The following PIEZO1 variants were observed in gnomAD, a reference collection of about 807,000 sequenced individuals.
The protein encoded by PIEZO1 is piezo-type mechanosensitive ion channel component 1.
In PIEZO1, 296 loss-of-function variants were observed where a neutral mutation model predicts 297.2. The observed-to-expected ratio is 1.00, with a 90% CI of 0.91 to 1.10. The LOEUF is 1.10. Ranked by LOEUF, PIEZO1 falls within the 50% of genes least tolerant of loss-of-function variation. The probability of loss-of-function intolerance (pLI) is 0.00; values close to 1 mark genes in which losing one functional copy is unlikely to be tolerated. For synonymous variants in PIEZO1, 2,427 were observed against 1,507.5 expected (o/e 1.61, Z -14.13); for missense variants, 5,018 against 3,455.5 (o/e 1.45, Z -11.34).
chr16:88,759,594 G>A (rs770686397), intron 1 of PIEZO1, among the ~76,000 whole-genome samples: 45 of 152,226 alleles, frequency 3.0e-4, no homozygotes, highest in Non-Finnish European at 4.6e-4. Context: ...CCTGGCGGCC[G>A]CTGCTCTGCC....
At chr16:88,740,137 G>A (rs1905543317) in intron 5 of PIEZO1, 1 of 152,284 alleles carries the variant, frequency 6.6e-6, no homozygotes, top group South Asian at 2.1e-4. Context: ...CCTCGGGCTG[G>A]CTGGCACACT....
chr16:88,735,629 G>A (rs1027662413), intron 12 of PIEZO1, among the ~76,000 whole-genome samples: 4 of 152,280 alleles, frequency 2.6e-5, no homozygotes, highest in African/African-American at 7.2e-5. Context: ...TGGCACACAG[G>A]CTCACAAGTT....
In PIEZO1 at chr16:88,785,001, A is replaced by G. The variant is rs1420308660; in HGVS notation, c.-37T>C. ...CCAGGGCCCGGCCCAGACCGAGCGG[A>G]CGCCGCGGCGCTATGGGGCGGTGCG... On this transcript the variant is annotated 5_prime_UTR_variant, in exon 1 of 51. Transcript: ENST00000301015. The G allele has an allele frequency of 1.7e-5, 21 of 1,205,330 alleles. No individual in the cohort carries two copies. The South Asian group carries it at 2.0e-4, about 11-fold the overall frequency. The allele number at this position is 1,205,330 out of a possible 1,614,324, so 74.7% of individuals were successfully genotyped here.
chr16:88,727,482 C>G, intron 23 of PIEZO1, 75 bp downstream of exon 23: 1 of 675,014 alleles, frequency 1.5e-6, no homozygotes, highest in Non-Finnish European at 2.5e-6. Context: ...TGTGTGCACA[C>G]TTGTGAGCAG....
At position 88,717,006 on chromosome 16, in the gene PIEZO1, G is replaced by A. The variant is rs79934624; in HGVS notation, c.6660+17C>T. On this transcript the variant is annotated intron_variant, in intron 45 of 50. Transcript: ENST00000301015. ...CCCAGGGGATGGGAATGGACAGGCG[G>A]ACCCACACATGCTCACCTCATAGCC... is the stretch of plus-strand genomic sequence containing the variant. 87,224 of 1,549,406 alleles carry A rather than the reference G, an allele frequency of 0.056. 2,843 individuals are homozygous for A. The highest frequency in any genetic ancestry group is 0.068 in the Non-Finnish European group (77,405 of 1,146,138).
At chr16:88,732,761 C>T (rs943268980) in intron 19 of PIEZO1, 29 bp from the exon 20 acceptor site, 3 of 1,519,638 alleles carry the variant, frequency 2.0e-6, no homozygotes, top group African/African-American at 2.8e-5. Flanking sequence ...TCAGTGCCCC[C>T]TCCCAGGCCA....
chr16:88,721,424 C>T lies in PIEZO1; in HGVS notation c.5410G>A (p.Gly1804Ser), dbSNP rs1313905745. 2 of 1,548,114 alleles carry T rather than the reference C, an allele frequency of 1.3e-6. No homozygotes were observed. The highest frequency in any genetic ancestry group is 2.0e-5 in the Admixed American group (1 of 50,916). The change falls in exon 39 of 51, where the codon GGC becomes AGC. Residue 1804 changes from glycine (G) to serine (S), a missense_variant. Physicochemically the swap from Gly to Ser is moderately conservative, Grantham distance 56. Coordinates refer to ENST00000301015, the MANE Select transcript of PIEZO1 (RefSeq NM_001142864.4). ...FFHRSQLLCY[G>S]LWDHEEDSPS... is the part of the protein sequence containing the mutation. ...GAGTCCTCCTCATGGTCCCAGAGGC[C>T]ATAGCACTGAGGGGCGGGAGGGTGT...
chr16:88,757,366 T>C (rs952343387), intron 1 of PIEZO1, among the ~76,000 whole-genome samples: 10 of 141,902 alleles, frequency 7.0e-5, no homozygotes, highest in African/African-American at 2.3e-4. Flanking sequence ...TCCCGTGTGG[T>C]TAAAAGGCTC....
Position 88,732,648 on chromosome 16 carries a change from A to G in PIEZO1, c.2749T>C (p.Phe917Leu). The G allele has an allele frequency of 6.5e-7, 1 of 1,549,594 alleles. No individual in the cohort carries two copies. The change falls in exon 20 of 51, where the codon TTT becomes CTT. Residue 917 changes from phenylalanine (F) to leucine (L), a missense_variant. Phe to Leu is a conservative substitution (Grantham distance 22). Coordinates refer to ENST00000301015, the MANE Select transcript of PIEZO1 (RefSeq NM_001142864.4). ...YRGPVDPANW[F>L]GVRKGFPNLG... ...TTGGGGAACCCTTTCCGCACCCCAA[A>G]CCAGTTGGCAGGGTCCACGGGCCCC...
Position 88,738,516 on chromosome 16 carries a change from TC to T in PIEZO1, c.634+51del, listed in dbSNP as rs34600315. 1,069,239 of 1,530,398 alleles carry T rather than the reference TC, an allele frequency of 0.7. 375,694 individuals carry two copies. The highest frequency in any genetic ancestry group is 0.89 in the East Asian group (36,189 of 40,784). 94.8% of individuals were successfully genotyped at this position (1,530,398 alleles called of 1,614,324 possible). A position where few individuals can be genotyped will look rare whatever the true frequency, so the allele number is the denominator to read the frequency against. Reference sequence around the variant, plus strand: ...GCTGTCTCCACAGTCATCAGGGAACTCCCAAGACCCCTCCCAGTGTGACTGC... The same window carrying T: ...GCTGTCTCCACAGTCATCAGGGAACTCCAAGACCCCTCCCAGTGTGACTGC... On this transcript the variant is annotated intron_variant, in intron 6 of 50. Transcript: ENST00000301015.
intron 30 of PIEZO1, among the ~76,000 whole-genome samples, chr16:88,724,494 G>A (rs1904312636): frequency 6.7e-6 from 1 of 149,558 alleles, no homozygotes; most frequent in African/African-American, 2.5e-5. Flanking sequence ...TCACGCCATT[G>A]CACTGTAGCC....
At chr16:88,748,426 G>A (rs1335439796) in intron 2 of PIEZO1, among the ~76,000 whole-genome samples, 2 of 152,212 alleles carry the variant, frequency 1.3e-5, no homozygotes, top group Non-Finnish European at 2.9e-5. Context: ...GGAGGATACG[G>A]GAGAGCAACA....
intron 2 of PIEZO1, among the ~76,000 whole-genome samples, chr16:88,748,513 T>A (rs1906190780): frequency 7.1e-6 from 1 of 141,698 alleles, no homozygotes. Flanking sequence ...CACAAGTGGA[T>A]CAAAGTCAAC....
chr16:88,742,101 G>A lies in PIEZO1; in HGVS notation c.284-6C>T. The A allele has an allele frequency of 6.5e-7, 1 of 1,535,950 alleles. No homozygotes were observed. The highest frequency in any genetic ancestry group is 8.7e-7 in the Non-Finnish European group (1 of 1,146,784). ...GAGGGTCTCCCAGCGGCTGCCTGCA[G>A]AGAAAGACGGGGGAACCCAGGTCAG... On this transcript the variant is annotated splice_region_variant and splice_polypyrimidine_tract_variant and intron_variant, in intron 3 of 50. Coordinates refer to ENST00000301015, the MANE Select transcript of PIEZO1 (RefSeq NM_001142864.4).
Position 88,722,274 on chromosome 16 carries a change from A to G in PIEZO1, c.4899T>C (p.Ala1633=), listed in dbSNP as rs2142768005. The change falls in exon 36 of 51, where the codon GCT becomes GCC. Residue 1633 remains alanine, a synonymous_variant. Coordinates refer to ENST00000301015, the MANE Select transcript of PIEZO1 (RefSeq NM_001142864.4). ...EAVTDPGERE[A]GASLYQGLMR... is the part of the protein sequence containing the mutation. ...TCAGTCCCTGGTACAGAGAGGCACC[A>G]GCCTCACGCTCCCCGGGGTCGGTGA... 1 of 1,548,554 alleles carries G rather than the reference A, an allele frequency of 6.5e-7. No homozygotes were observed. Among genetic ancestry groups the G allele is most frequent in the African/African-American group, 1.4e-5 (1 of 73,164 alleles).
intron 1 of PIEZO1, among the ~76,000 whole-genome samples, chr16:88,781,960 G>C (rs940934201): frequency 2.0e-5 from 3 of 152,258 alleles, no homozygotes; most frequent in Admixed American, 6.5e-5. Flanking sequence ...CTGAAAAGCA[G>C]AAGCCATATT....
chr16:88,719,745 C>T (rs773179669), intron 43 of PIEZO1, 24 bp from the exon 44 acceptor site: 1 of 1,550,332 alleles, frequency 6.5e-7, no homozygotes, highest in Non-Finnish European at 8.7e-7. Flanking sequence ...GGGTTCCCGT[C>T]AGGTGGGCTC....
chr16:88,784,577 GCCCGGCGGCCTCCTCTCCGCAGCGC>G (rs1280250243), intron 1 of PIEZO1, among the ~76,000 whole-genome samples: 9 of 151,252 alleles, frequency 6.0e-5, no homozygotes, highest in Non-Finnish European at 1.0e-4. Flanking sequence ...ACACCGCCTC[GCCCGGCGGCCTCCTCTCCGCAGCGC>G]CCCGGCGGAG....
At chr16:88,756,029 G>A (rs546105141) in intron 1 of PIEZO1, among the ~76,000 whole-genome samples, 7 of 152,224 alleles carry the variant, frequency 4.6e-5, no homozygotes, top group Non-Finnish European at 8.8e-5. Flanking sequence ...TCCAGGTGTG[G>A]CCCAGCACTT....
Sources: gnomAD v4.1 joint callset for allele counts (sites outside exome capture counted in the v4.1 genomes callset) on GRCh38, gnomAD v4.1.1 for gene constraint, MANE v1.5 for transcripts, NCBI Gene and HGNC (gene_info 2026-07-23, HGNC 2026-07-21) for gene names.